Variants in KCNH1 observed in about 807,000 individuals in gnomAD.
KCNH1 encodes voltage-gated delayed rectifier potassium channel KCNH1.
KCNH1 carries 27 observed loss-of-function variants against 69.2 expected under a neutral mutation model. The observed-to-expected ratio is 0.39, with a 90% CI of 0.29 to 0.54. The LOEUF (loss-of-function observed/expected upper bound fraction) is 0.54. Among genes scored for constraint, KCNH1 ranks in the 20% least tolerant of loss-of-function variants. The pLI, the probability that KCNH1 is intolerant of heterozygous loss-of-function variation, is 0.68. For missense variants in KCNH1, 798 were observed against 1,261.6 expected, an observed-to-expected ratio of 0.63 and a Z score of 5.57; for synonymous variants, 456 against 487.7, an observed-to-expected ratio of 0.93 and a Z score of 0.86.
chr1:211,008,056 T>TAC (rs1447403088), intron 6 of KCNH1, among the ~76,000 whole-genome samples: 4 of 152,146 alleles, frequency 2.6e-5, no homozygotes, highest in Non-Finnish European at 5.9e-5. Flanking sequence ...TATATATATA[T>TAC]ACCCAAAAGA....
rs147980846 is a variant in KCNH1 at position 210,731,821 on chromosome 1, A to G, written c.2112+43527T>C. Among the ~76,000 whole-genome samples the G allele has an allele frequency of 8.8e-3, 1,347 of 152,308 alleles. 9 individuals carry two copies. Among genetic ancestry groups the G allele is most frequent in the Non-Finnish European group, 0.013 (893 of 68,024 alleles). On this transcript the variant is annotated intron_variant, in intron 10 of 10. Coordinates refer to ENST00000271751, the MANE Select transcript of KCNH1 (RefSeq NM_172362.3). ...AAACACTGAGCAAGTGAGAGAATCA[A>G]CATATGAAGTTTGCCCTGCCTAATT... is the stretch of plus-strand genomic sequence containing the variant.
At chr1:210,986,465 T>G (rs941694851) in intron 6 of KCNH1, among the ~76,000 whole-genome samples, 3 of 152,212 alleles carry the variant, frequency 2.0e-5, no homozygotes, top group Non-Finnish European at 4.4e-5. Context: ...AGGAGCTCTT[T>G]TAGGGCAGGC....
intron 5 of KCNH1, among the ~76,000 whole-genome samples, chr1:211,068,404 T>G (rs558357200): frequency 2.7e-5 from 4 of 147,834 alleles, no homozygotes; most frequent in East Asian, 2.0e-4. Flanking sequence ...AACTTTTTTG[T>G]TTTTTTTTTG....
chr1:210,956,817 G>T (rs919017285), intron 6 of KCNH1, among the ~76,000 whole-genome samples: 1 of 151,638 alleles, frequency 6.6e-6, no homozygotes, highest in African/African-American at 2.4e-5. Flanking sequence ...TTCTTTATTA[G>T]TCTTGCCAGC....
chr1:210,739,024 A>C (rs961553593), intron 10 of KCNH1, among the ~76,000 whole-genome samples: 1 of 152,134 alleles, frequency 6.6e-6, no homozygotes, highest in Non-Finnish European at 1.5e-5. Context: ...TTTCACTCCC[A>C]ATTCCTATAC....
At chr1:210,749,446 G>A (rs1204491496) in intron 10 of KCNH1, among the ~76,000 whole-genome samples, 1 of 152,148 alleles carries the variant, frequency 6.6e-6, no homozygotes, top group African/African-American at 2.4e-5. Flanking sequence ...GGCCCTAGTG[G>A]TAATGAACAG....
At chr1:211,096,267 T>C (rs1691152025) in intron 3 of KCNH1, among the ~76,000 whole-genome samples, 2 of 152,186 alleles carry the variant, frequency 1.3e-5, no homozygotes, top group South Asian at 4.1e-4. Context: ...TTTTGCCATG[T>C]TGGCCAAACT....
intron 7 of KCNH1, chr1:210,858,820 T>A: frequency 4.8e-6 from 1 of 208,096 alleles, no homozygotes; most frequent in Non-Finnish European, 9.8e-6. Flanking sequence ...CCATGCCTAT[T>A]TTTTCCTCAG....
chr1:211,108,287 C>T (rs548372464), intron 1 of KCNH1, among the ~76,000 whole-genome samples: 2 of 152,222 alleles, frequency 1.3e-5, no homozygotes, highest in African/African-American at 4.8e-5. Context: ...TTTAGTTTGG[C>T]CCTTCCTTTC....
At chr1:210,912,074 C>A (rs1320371860) in intron 7 of KCNH1, among the ~76,000 whole-genome samples, 1 of 152,138 alleles carries the variant, frequency 6.6e-6, no homozygotes, top group Non-Finnish European at 1.5e-5. Flanking sequence ...CAAACTGTGA[C>A]CTTAAATAGG....
chr1:210,704,271 G>T (rs1341307417), intron 10 of KCNH1, among the ~76,000 whole-genome samples: 1 of 152,070 alleles, frequency 6.6e-6, no homozygotes, highest in Admixed American at 6.5e-5. Context: ...TGACTTCCTG[G>T]CCATTTCAGC....
At chr1:210,847,837 T>C (rs1685594757) in intron 7 of KCNH1, among the ~76,000 whole-genome samples, 1 of 152,126 alleles carries the variant, frequency 6.6e-6, no homozygotes, top group Non-Finnish European at 1.5e-5. Context: ...AAGAAATTTT[T>C]TAGCATCTCC....
intron 6 of KCNH1, among the ~76,000 whole-genome samples, chr1:210,958,296 G>A (rs571205067): frequency 3.9e-5 from 6 of 152,230 alleles, no homozygotes; most frequent in Admixed American, 6.5e-5. Context: ...TCTGACAGGC[G>A]TCCCTTTGTG....
chr1:210,870,755 G>C (rs982227653), intron 7 of KCNH1, among the ~76,000 whole-genome samples: 1 of 152,062 alleles, frequency 6.6e-6, no homozygotes, highest in South Asian at 2.1e-4. Flanking sequence ...ATATCTCCTT[G>C]GTTCTTTATG....
chr1:210,981,842 C>G (rs1308220213), intron 6 of KCNH1, among the ~76,000 whole-genome samples: 1 of 152,030 alleles, frequency 6.6e-6, no homozygotes, highest in Non-Finnish European at 1.5e-5. Context: ...GAATAAAGAG[C>G]TAAAATTTTC....
At chr1:211,030,559 AG>A (rs1689764199) in intron 5 of KCNH1, among the ~76,000 whole-genome samples, 1 of 152,236 alleles carries the variant, frequency 6.6e-6, no homozygotes, top group South Asian at 2.1e-4. Flanking sequence ...TCAATAAGCC[AG>A]AAAAGGAACC....
intron 7 of KCNH1, among the ~76,000 whole-genome samples, chr1:210,906,438 A>T (rs1406464228): frequency 6.6e-6 from 1 of 152,008 alleles, no homozygotes; most frequent in Non-Finnish European, 1.5e-5. Flanking sequence ...CTCCTCCCAG[A>T]CTCAGCTAAT....
intron 6 of KCNH1, among the ~76,000 whole-genome samples, chr1:210,995,103 C>T (rs942331771): frequency 6.6e-6 from 1 of 152,186 alleles, no homozygotes; most frequent in Non-Finnish European, 1.5e-5. Flanking sequence ...AAGCTAAGAA[C>T]TATATTCCTT....
At chr1:210,793,265 A>G (rs535480610) in intron 9 of KCNH1, among the ~76,000 whole-genome samples, 2 of 152,298 alleles carry the variant, frequency 1.3e-5, no homozygotes, top group East Asian at 3.9e-4. Flanking sequence ...GGTTTCTGGG[A>G]CCACGTTTCA....
Sources: gnomAD v4.1 joint callset for allele counts (sites outside exome capture counted in the v4.1 genomes callset) on GRCh38, gnomAD v4.1.1 for gene constraint, MANE v1.5 for transcripts, NCBI Gene and HGNC (gene_info 2026-07-23, HGNC 2026-07-21) for gene names.